Variants in EYS observed in about 807,000 individuals in gnomAD.
The protein encoded by EYS is EGF-like photoreceptor maintenance factor.
A neutral mutation model predicts 282.1 loss-of-function variants in EYS; 250 were observed. That is an observed-to-expected ratio of 0.89 (90% CI 0.80 to 0.98). The LOEUF (loss-of-function observed/expected upper bound fraction) is 0.98, where lower values mean the gene tolerates loss of function less well. Ranked by LOEUF, EYS falls within the 50% of genes least tolerant of loss-of-function variation. The pLI is 0.00. For missense variants in EYS, 4,016 were observed against 3,709.0 expected, an observed-to-expected ratio of 1.08 and a Z score of -2.15; for synonymous variants, 1,355 against 1,282.9, an observed-to-expected ratio of 1.06 and a Z score of -1.20.
intron 30 of EYS, among the ~76,000 whole-genome samples, chr6:64,238,647 T>C (rs1766689166): frequency 6.6e-6 from 1 of 152,174 alleles, no homozygotes; most frequent in Non-Finnish European, 1.5e-5. Flanking sequence ...GCAAAAATCA[T>C]GATTTTTAAT....
chr6:64,606,977 A>T (rs677716), intron 24 of EYS, among the ~76,000 whole-genome samples: 3,251 of 151,914 alleles, frequency 0.021, 129 homozygotes, highest in African/African-American at 0.074. Context: ...CTACGCATTA[A>T]CTCTTTTCTT....
At chr6:64,068,782 G>T (rs982408098) in intron 32 of EYS, among the ~76,000 whole-genome samples, 8 of 152,126 alleles carry the variant, frequency 5.3e-5, no homozygotes, top group Admixed American at 4.6e-4. Flanking sequence ...TGTAAGTACT[G>T]TGGAGTTGTG....
rs3042394 is a variant in EYS, at chr6:65,263,703, CTGTGTGTGTGTGTGTGTG to C, written c.2023+32142_2023+32159del. On this transcript the variant is annotated intron_variant, in intron 12 of 42. Coordinates refer to ENST00000503581, the MANE Select transcript of EYS (RefSeq NM_001142800.2). ...CCTAAAAAGCAAAAACAAGGCAAAGCTGTGTGTGTGTGTGTGTGTGTGTGTGTGTGTGTGTGTAATTTA... is the reference window on the plus strand; with the variant it reads ...CCTAAAAAGCAAAAACAAGGCAAAGCTGTGTGTGTGTGTGTGTGTAATTTA... 2.1e-5 allele frequency among the ~76,000 whole-genome samples: 3 copies of C among 141,406 alleles called. No homozygotes were observed. The South Asian group carries it at 6.9e-4, about 32-fold the overall frequency. The allele number at this position is 141,406 out of a possible 152,430, so 92.8% of individuals were successfully genotyped here. A position where few individuals can be genotyped will look rare whatever the true frequency, so the allele number is the denominator to read the frequency against.
chr6:64,108,994 G>A (rs1469046282), intron 31 of EYS, among the ~76,000 whole-genome samples: 1 of 152,064 alleles, frequency 6.6e-6, no homozygotes, highest in African/African-American at 2.4e-5. Flanking sequence ...TCAGGAACAA[G>A]TAAAGGTCAC....
intron 5 of EYS, among the ~76,000 whole-genome samples, chr6:65,489,196 C>G (rs1430337420): frequency 6.6e-6 from 1 of 152,136 alleles, no homozygotes; most frequent in Admixed American, 6.6e-5. Context: ...AGGCAACCTA[C>G]AGAATGGGAG....
At chr6:64,336,458 G>C (rs2093432265) in intron 29 of EYS, among the ~76,000 whole-genome samples, 1 of 152,022 alleles carries the variant, frequency 6.6e-6, no homozygotes, top group South Asian at 2.1e-4. Flanking sequence ...GAACACTGGA[G>C]CTCCCAAATT....
intron 30 of EYS, among the ~76,000 whole-genome samples, chr6:64,263,688 C>T (rs1426388317): frequency 6.6e-6 from 1 of 152,026 alleles, no homozygotes; most frequent in African/African-American, 2.4e-5. Flanking sequence ...CAGGATATGG[C>T]GATTTCTCTT....
chr6:65,604,714 A>G (rs1765724219), intron 2 of EYS, among the ~76,000 whole-genome samples: 1 of 152,002 alleles, frequency 6.6e-6, no homozygotes, highest in Non-Finnish European at 1.5e-5. Flanking sequence ...AATAAGGTAG[A>G]ATAATGTATG....
chr6:64,694,689 C>G (rs1250683826), intron 22 of EYS, among the ~76,000 whole-genome samples: 1 of 152,132 alleles, frequency 6.6e-6, no homozygotes, highest in Non-Finnish European at 1.5e-5. Flanking sequence ...TGGGGAGAAG[C>G]CTTCATAACT....
At chr6:64,715,368 T>A (rs1184599594) in intron 22 of EYS, among the ~76,000 whole-genome samples, 2 of 152,278 alleles carry the variant, frequency 1.3e-5, no homozygotes, top group African/African-American at 4.8e-5. Flanking sequence ...AAAGATAGCA[T>A]GATGGAAATG....
intron 2 of EYS, among the ~76,000 whole-genome samples, chr6:65,534,786 T>A (rs1007706240): frequency 6.6e-6 from 1 of 152,142 alleles, no homozygotes; most frequent in African/African-American, 2.4e-5. Context: ...TGCCTTTAAG[T>A]CTTTGCCAAA....
intron 12 of EYS, among the ~76,000 whole-genome samples, chr6:65,075,907 T>A (rs1774036325): frequency 6.6e-6 from 1 of 151,958 alleles, no homozygotes; most frequent in African/African-American, 2.4e-5. Context: ...ATCTCACACC[T>A]CAATTTTTCC....
chr6:65,563,649 T>C (rs982418517), intron 2 of EYS, among the ~76,000 whole-genome samples: 50 of 152,170 alleles, frequency 3.3e-4, no homozygotes, highest in East Asian at 2.1e-3. Flanking sequence ...ATATAAAAAT[T>C]TAGTTAACTA....
At chr6:64,008,599 G>A (rs187090228) in intron 33 of EYS, among the ~76,000 whole-genome samples, 2 of 151,606 alleles carry the variant, frequency 1.3e-5, no homozygotes, top group East Asian at 3.9e-4. Flanking sequence ...GTAGTGGCTA[G>A]TAGTAGTCTT....
intron 31 of EYS, among the ~76,000 whole-genome samples, chr6:64,220,653 G>T (rs912464286): frequency 2.6e-5 from 4 of 152,106 alleles, no homozygotes; most frequent in Non-Finnish European, 4.4e-5. Context: ...AACATGACTC[G>T]AACAGAGAAA....
chr6:65,118,277 T>G lies in EYS; in HGVS notation c.2024-60550A>C, dbSNP rs117462329. The stretch of plus-strand genomic sequence containing the variant: ...AGGAGATGTGGGCTGGGCCTTTTTG[T>G]GACAGATGCTGGTAGTCACATGATG... On this transcript the variant is annotated intron_variant, in intron 12 of 42. Transcript: ENST00000503581. Among the ~76,000 whole-genome samples the G allele has an allele frequency of 1.3e-3, 194 of 152,272 alleles. 4 individuals are homozygous for G. In the East Asian group the frequency reaches 0.028, roughly 22 times the overall value.
chr6:64,479,075 A>G (rs1776361277), intron 26 of EYS, among the ~76,000 whole-genome samples: 1 of 151,974 alleles, frequency 6.6e-6, no homozygotes, highest in Admixed American at 6.6e-5. Context: ...TTATACTATC[A>G]AAATCACCAA....
chr6:64,950,794 T>TATAC (rs1214015274), intron 14 of EYS, among the ~76,000 whole-genome samples: 1 of 74,166 alleles, frequency 1.3e-5, no homozygotes, highest in South Asian at 4.2e-4. Flanking sequence ...CACATATACA[T>TATAC]ATACATATAT....
chr6:64,684,613 A>T (rs1770023559), intron 22 of EYS, among the ~76,000 whole-genome samples: 1 of 151,894 alleles, frequency 6.6e-6, no homozygotes, highest in South Asian at 2.1e-4. Flanking sequence ...AGAGAGATAT[A>T]TATGTATATG....
Sources: gnomAD v4.1 joint callset for allele counts (sites outside exome capture counted in the v4.1 genomes callset) on GRCh38, gnomAD v4.1.1 for gene constraint, MANE v1.5 for transcripts, NCBI Gene and HGNC (gene_info 2026-07-23, HGNC 2026-07-21) for gene names.